DENND6A: variants seen among roughly 807,000 people sequenced by gnomAD.
DENND6A encodes the protein DENN domain containing 6A, also known as protein DENND6A.
In DENND6A, 43 loss-of-function variants were observed where a neutral mutation model predicts 95.5. The observed-to-expected ratio is 0.45, with a 90% CI of 0.35 to 0.58. The LOEUF (loss-of-function observed/expected upper bound fraction) is 0.58, where lower values mean the gene tolerates loss of function less well. DENND6A is among the 20% of genes least tolerant of loss of function. The pLI, the probability that DENND6A is intolerant of heterozygous loss-of-function variation, is 0.00. For missense variants in DENND6A, 574 were observed against 736.0 expected (o/e 0.78, Z 2.55); for synonymous variants, 257 against 260.4 (o/e 0.99, Z 0.13).
chr3:57,659,497 A>G (rs966080814), intron 7 of DENND6A, among the ~76,000 whole-genome samples: 5 of 152,126 alleles, frequency 3.3e-5, no homozygotes, highest in African/African-American at 1.2e-4. Context: ...ATATACACAC[A>G]CCCAAACACA....
intron 12 of DENND6A, among the ~76,000 whole-genome samples, chr3:57,638,640 G>A (rs2070854449): frequency 1.3e-5 from 2 of 151,888 alleles, no homozygotes; most frequent in Admixed American, 6.6e-5. Context: ...CCAGGCAACA[G>A]GGTGAGACTC....
In DENND6A at chr3:57,630,879, GTTAA is replaced by G. The variant is rs752850101; in HGVS notation, c.1407+42_1407+45del. Reference sequence around the variant, plus strand: ...ATTAGGAGTGGATATGTTCACAGAAGTTAATTACAGTTAGAGGACCCAAATAGAT... The same window carrying G: ...ATTAGGAGTGGATATGTTCACAGAAGTTACAGTTAGAGGACCCAAATAGAT... On this transcript the variant is annotated intron_variant, in intron 16 of 19. Transcript: ENST00000311128. The G allele has an allele frequency of 6.2e-6, 10 of 1,610,616 alleles. No homozygotes were observed. In the African/African-American group the frequency reaches 1.2e-4, roughly 19 times the overall value.
intron 15 of DENND6A, among the ~76,000 whole-genome samples, chr3:57,632,021 C>CTT (rs771800755): frequency 1.4e-3 from 138 of 96,008 alleles, no homozygotes; most frequent in East Asian, 4.0e-3. Flanking sequence ...CGCGCCCGGC[C>CTT]TTTTTTTTTT....
At chr3:57,630,684 C>G in intron 17 of DENND6A, 31 bp downstream of exon 17, 1 of 1,596,570 alleles carries the variant, frequency 6.3e-7, no homozygotes, top group Admixed American at 1.8e-5. Flanking sequence ...AAGCACGACA[C>G]ATGGGTGTAA....
chr3:57,692,728 C>T (rs1317842735), intron 1 of DENND6A, 54 bp downstream of exon 1: 1 of 1,376,812 alleles, frequency 7.3e-7, no homozygotes, highest in Non-Finnish European at 9.4e-7. Context: ...GGCTTTGCTG[C>T]AGCCGCCCCG....
chr3:57,687,769 C>T (rs113073211), intron 1 of DENND6A, among the ~76,000 whole-genome samples: 19,451 of 151,826 alleles, frequency 0.13, 1,364 homozygotes, highest in South Asian at 0.21. Context: ...CCCATCTCTA[C>T]AAAAAATTTA....
chr3:57,671,291 G>A (rs977389588), intron 3 of DENND6A, among the ~76,000 whole-genome samples: 6 of 152,156 alleles, frequency 3.9e-5, no homozygotes, highest in East Asian at 1.9e-4. Flanking sequence ...TTGGGAGGCC[G>A]AGGTGGGCAG....
At chr3:57,674,805 GATC>G (rs1378575977) in intron 1 of DENND6A, among the ~76,000 whole-genome samples, 2 of 152,216 alleles carry the variant, frequency 1.3e-5, no homozygotes, top group East Asian at 3.8e-4. Flanking sequence ...AAAAGAATGG[GATC>G]ATGTCTTTTA....
intron 1 of DENND6A, among the ~76,000 whole-genome samples, chr3:57,691,669 C>CAA (rs71091304): frequency 5.1e-4 from 48 of 93,576 alleles, no homozygotes; most frequent in African/African-American, 8.9e-4. Flanking sequence ...TCACCAATAC[C>CAA]AAAAAAAAAA....
In DENND6A at chr3:57,648,028, G is replaced by A. The variant is rs145035113; in HGVS notation, c.819-1590C>T. On this transcript the variant is annotated intron_variant, in intron 9 of 19. Coordinates refer to ENST00000311128, the MANE Select transcript of DENND6A (RefSeq NM_152678.3). ...TCCTAGCCAGAGCAATCAGAGAAGA[G>A]AAAGAAATAAAGAGCATGCAAATTG... is the stretch of plus-strand genomic sequence containing the variant. 1.7e-3 allele frequency among the ~76,000 whole-genome samples: 252 copies of A among 152,156 alleles called. 1 individual carries two copies. Among genetic ancestry groups the A allele is most frequent in the African/African-American group, 5.7e-3 (237 of 41,486 alleles).
intron 15 of DENND6A, 41 bp downstream of exon 15, chr3:57,633,224 C>A (rs779759657): frequency 6.5e-7 from 1 of 1,526,724 alleles, no homozygotes; most frequent in Non-Finnish European, 9.1e-7. Context: ...ATACCCTTCA[C>A]CAAATCATTA....
intron 9 of DENND6A, among the ~76,000 whole-genome samples, chr3:57,655,766 C>T (rs975383357): frequency 6.6e-6 from 1 of 152,014 alleles, no homozygotes; most frequent in African/African-American, 2.4e-5. Flanking sequence ...GTCCAAAATC[C>T]AAAACACTTC....
At chr3:57,683,683 A>C (rs1046655578) in intron 1 of DENND6A, among the ~76,000 whole-genome samples, 7 of 152,226 alleles carry the variant, frequency 4.6e-5, no homozygotes, top group African/African-American at 1.7e-4. Context: ...ACTACCAAGA[A>C]TTTAAGAATT....
At chr3:57,692,358 A>G (rs1216571764) in intron 1 of DENND6A, among the ~76,000 whole-genome samples, 1 of 152,062 alleles carries the variant, frequency 6.6e-6, no homozygotes, top group Non-Finnish European at 1.5e-5. Context: ...GACTAAAACA[A>G]TCTGAGCCTT....
At chr3:57,682,237 C>T (rs937726297) in intron 1 of DENND6A, among the ~76,000 whole-genome samples, 3 of 128,994 alleles carry the variant, frequency 2.3e-5, no homozygotes, top group Non-Finnish European at 1.5e-5. Flanking sequence ...GCCAAGATTG[C>T]ACCATTGCAC....
rs185992410 is a variant in DENND6A, at chr3:57,672,025, T to G, written c.319+231A>C. On this transcript the variant is annotated intron_variant, in intron 3 of 19. Coordinates refer to ENST00000311128, the MANE Select transcript of DENND6A (RefSeq NM_152678.3). Reference sequence around the variant, plus strand: ...CTGATTTTCAACCTCTTCACTATTTTAAGAGTTTATTGTTCCTTGATGGTT... The same window carrying G: ...CTGATTTTCAACCTCTTCACTATTTGAAGAGTTTATTGTTCCTTGATGGTT... Among the ~76,000 whole-genome samples the G allele has an allele frequency of 1.9e-3, 288 of 152,328 alleles. 7 individuals are homozygous for G. Among genetic ancestry groups the G allele is most frequent in the Non-Finnish European group, 1.4e-3 (98 of 68,026 alleles).
chr3:57,638,312 A>AAT (rs201099543), intron 12 of DENND6A, among the ~76,000 whole-genome samples: 8,788 of 151,892 alleles, frequency 0.058, 380 homozygotes, highest in Non-Finnish European at 0.093. Flanking sequence ...CAACTCTATT[A>AAT]AAAGTGGGCA....
intron 1 of DENND6A, among the ~76,000 whole-genome samples, chr3:57,682,062 T>C (rs2077170801): frequency 6.6e-6 from 1 of 152,132 alleles, no homozygotes; most frequent in African/African-American, 2.4e-5. Context: ...ATAGTCTCTC[T>C]CCCATTGAGC....
chr3:57,650,024 A>T (rs1315324511), intron 9 of DENND6A, among the ~76,000 whole-genome samples: 1 of 152,048 alleles, frequency 6.6e-6, no homozygotes, highest in Non-Finnish European at 1.5e-5. Flanking sequence ...CCATTATTCT[A>T]AAGTAACTTA....
Sources: allele counts gnomAD v4.1 joint callset (sites outside exome capture counted in the v4.1 genomes callset), GRCh38; gene constraint gnomAD v4.1.1; transcripts MANE v1.5; gene names NCBI Gene and HGNC (gene_info 2026-07-23, HGNC 2026-07-21).